The following SCFD2 variants were observed in gnomAD, a reference collection of about 807,000 sequenced individuals.
SCFD2 encodes sec1 family domain-containing protein 2.
A neutral mutation model predicts 58.9 loss-of-function variants in SCFD2; 54 were observed. That is an observed-to-expected ratio of 0.92 (90% CI 0.74 to 1.15). The LOEUF is 1.15. SCFD2 is among the 50% of genes most tolerant of loss of function. The pLI is 0.00. For synonymous variants in SCFD2, 321 were observed against 335.9 expected, an observed-to-expected ratio of 0.96 and a Z score of 0.49; for missense variants, 805 against 836.6, an observed-to-expected ratio of 0.96 and a Z score of 0.47.
In SCFD2 at chr4:53,071,655, A is replaced by G. The variant is rs190853424; in HGVS notation, c.1561+73678T>C. Among the ~76,000 whole-genome samples the G allele has an allele frequency of 2.4e-3, 367 of 152,214 alleles. 5 individuals carry two copies. The highest frequency in any genetic ancestry group is 5.7e-4 in the Non-Finnish European group (39 of 68,006). ...AATAATGCAGTAAAAATTATAACCA[A>G]TGTGAATGATTCTAAATCCCATGGT... On this transcript the variant is annotated intron_variant, in intron 5 of 8. Transcript: ENST00000401642.
chr4:52,994,672 G>A (rs1156288214), intron 5 of SCFD2, among the ~76,000 whole-genome samples: 1 of 152,202 alleles, frequency 6.6e-6, no homozygotes, highest in Non-Finnish European at 1.5e-5. Context: ...ATACCACACT[G>A]TTGGCGATTA....
chr4:53,324,197 G>A (rs1413096262), intron 2 of SCFD2, among the ~76,000 whole-genome samples: 6 of 151,928 alleles, frequency 3.9e-5, no homozygotes, highest in South Asian at 2.1e-4. Flanking sequence ...CAGGAGGATC[G>A]CTTGAGGCCA....
chr4:53,283,804 G>A (rs893000862), intron 3 of SCFD2, among the ~76,000 whole-genome samples: 5 of 151,752 alleles, frequency 3.3e-5, no homozygotes, highest in African/African-American at 4.8e-5. Flanking sequence ...TTGCTTTACC[G>A]TAACGTAACA....
At chr4:53,271,311 ACACG>A (rs947609643) in intron 4 of SCFD2, among the ~76,000 whole-genome samples, 7 of 150,514 alleles carry the variant, frequency 4.7e-5, no homozygotes, top group Non-Finnish European at 1.0e-4. Context: ...CAACACACAC[ACACG>A]CACACACACA....
intron 4 of SCFD2, among the ~76,000 whole-genome samples, chr4:53,175,865 T>C (rs1727312575): frequency 6.6e-6 from 1 of 152,170 alleles, no homozygotes; most frequent in Admixed American, 6.5e-5. Context: ...TACAATCCCA[T>C]AACACATAAG....
intron 4 of SCFD2, among the ~76,000 whole-genome samples, chr4:53,246,574 C>T (rs1185059206): frequency 6.6e-6 from 1 of 152,092 alleles, no homozygotes; most frequent in Non-Finnish European, 1.5e-5. Flanking sequence ...TTTGACAAAG[C>T]TGACATAAAT....
intron 5 of SCFD2, among the ~76,000 whole-genome samples, chr4:52,981,035 A>G (rs1721366123): frequency 6.6e-6 from 1 of 152,176 alleles, no homozygotes; most frequent in Non-Finnish European, 1.5e-5. Flanking sequence ...AATAAACTGA[A>G]TTTTAAAAAT....
intron 5 of SCFD2, among the ~76,000 whole-genome samples, chr4:52,972,030 A>G (rs1050346167): frequency 2.0e-5 from 3 of 152,220 alleles, no homozygotes; most frequent in African/African-American, 7.2e-5. Flanking sequence ...TGAACATGGA[A>G]AGGAATAACT....
At chr4:52,971,981 C>A (rs528472455) in intron 5 of SCFD2, among the ~76,000 whole-genome samples, 1 of 152,262 alleles carries the variant, frequency 6.6e-6, no homozygotes, top group East Asian at 1.9e-4. Flanking sequence ...GATTTTGTCA[C>A]CACCAGGCCT....
chr4:53,096,870 C>A (rs1724653603), intron 5 of SCFD2, among the ~76,000 whole-genome samples: 1 of 152,130 alleles, frequency 6.6e-6, no homozygotes, highest in Non-Finnish European at 1.5e-5. Flanking sequence ...AGTCTTTAAT[C>A]CATCTTGAAT....
chr4:53,230,539 G>T (rs193247884), intron 4 of SCFD2, among the ~76,000 whole-genome samples: 398 of 143,498 alleles, frequency 2.8e-3, no homozygotes, highest in African/African-American at 9.8e-3. Flanking sequence ...ACCAAACACC[G>T]CATGTTCTCA....
At chr4:53,267,637 A>G (rs1410057796) in intron 4 of SCFD2, among the ~76,000 whole-genome samples, 2 of 152,176 alleles carry the variant, frequency 1.3e-5, no homozygotes, top group Non-Finnish European at 2.9e-5. Context: ...GCTGGAGCGC[A>G]GTGGCTATTC....
intron 5 of SCFD2, among the ~76,000 whole-genome samples, chr4:52,955,594 T>C (rs953468253): frequency 2.0e-5 from 3 of 152,170 alleles, no homozygotes; most frequent in Non-Finnish European, 4.4e-5. Flanking sequence ...AAGTAACAGA[T>C]CTAGAAGTCC....
At chr4:52,957,205 G>A (rs1720732417) in intron 5 of SCFD2, 2 of 152,270 alleles carry the variant, frequency 1.3e-5, no homozygotes, top group Admixed American at 1.3e-4. Context: ...ATTTCCACCT[G>A]AGCCCTGCAG....
chr4:53,242,879 A>C (rs1729944574), intron 4 of SCFD2, among the ~76,000 whole-genome samples: 1 of 152,208 alleles, frequency 6.6e-6, no homozygotes, highest in African/African-American at 2.4e-5. Flanking sequence ...TGAGGAAAGA[A>C]TCTCAAAGCT....
intron 8 of SCFD2, among the ~76,000 whole-genome samples, chr4:52,878,436 A>G (rs980906938): frequency 2.6e-5 from 4 of 152,222 alleles, no homozygotes; most frequent in Non-Finnish European, 4.4e-5. Context: ...TACTGCTGAC[A>G]TTTCACATAG....
chr4:52,886,002 G>T, intron 7 of SCFD2, 136 bp from the exon 8 acceptor site: 1 of 1,069,746 alleles, frequency 9.3e-7, no homozygotes, highest in South Asian at 1.5e-5. Flanking sequence ...ACAAATCCTA[G>T]GCAGACAGGG....
intron 4 of SCFD2, among the ~76,000 whole-genome samples, chr4:53,194,797 T>C (rs1728012753): frequency 6.6e-6 from 1 of 152,180 alleles, no homozygotes; most frequent in African/African-American, 2.4e-5. Flanking sequence ...AATCACCCTA[T>C]ATCCCTTCTG....
chr4:52,877,593 T>C (rs1413654071), intron 8 of SCFD2, among the ~76,000 whole-genome samples: 3 of 152,194 alleles, frequency 2.0e-5, no homozygotes, highest in Admixed American at 6.5e-5. Context: ...AATGTGAACA[T>C]CTTCGTAAAA....
Sources: allele counts gnomAD v4.1 joint callset (sites outside exome capture counted in the v4.1 genomes callset), GRCh38; gene constraint gnomAD v4.1.1; transcripts MANE v1.5; gene names NCBI Gene and HGNC (gene_info 2026-07-23, HGNC 2026-07-21).